KATNIP: variants seen among roughly 807,000 people sequenced by gnomAD.
KATNIP encodes katanin interacting protein.
In KATNIP, 126 loss-of-function variants were observed where a neutral mutation model predicts 174.0. The ratio of observed to expected loss-of-function variants is 0.72; its 90% CI spans 0.63 to 0.84. The LOEUF is 0.84. Among genes scored for constraint, KATNIP ranks in the 40% least tolerant of loss-of-function variants. The pLI is 0.00. For missense variants in KATNIP, 1,958 were observed against 2,109.7 expected, an observed-to-expected ratio of 0.93 and a Z score of 1.41; for synonymous variants, 810 against 835.7, an observed-to-expected ratio of 0.97 and a Z score of 0.53.
In KATNIP at chr16:27,773,193, C is replaced by T; in HGVS notation, c.4293C>T (p.Ile1431=). 4 of 1,608,930 alleles carry T rather than the reference C, an allele frequency of 2.5e-6. No homozygotes were observed. The highest frequency in any genetic ancestry group is 2.2e-5 in the East Asian group (1 of 44,854). Residue 1431 remains isoleucine (I), a synonymous_variant, in exon 23 of 28, where the codon ATC becomes ATT. Coordinates refer to ENST00000261588, the MANE Select transcript of KATNIP (RefSeq NM_015202.5). ...LELYDERGEK[I]PLSENNIAAF... is the part of the protein sequence containing the mutation. ...TGTATGACGAGCGAGGAGAAAAAAT[C>T]CCCTTGTCGGAAAACAGTATCCTTT...
At chr16:27,666,138 C>T (rs1032146632) in intron 6 of KATNIP, among the ~76,000 whole-genome samples, 1 of 152,176 alleles carries the variant, frequency 6.6e-6, no homozygotes, top group African/African-American at 2.4e-5. Context: ...GTCTCCCAGG[C>T]CCATCTACTT....
chr16:27,592,742 G>A (rs1427939822), intron 2 of KATNIP, among the ~76,000 whole-genome samples: 1 of 152,104 alleles, frequency 6.6e-6, no homozygotes, highest in African/African-American at 2.4e-5. Flanking sequence ...TTTTAGTAGG[G>A]ATGGGTTTCA....
At chr16:27,738,446 C>T (rs904874098) in intron 14 of KATNIP, among the ~76,000 whole-genome samples, 4 of 152,082 alleles carry the variant, frequency 2.6e-5, no homozygotes, top group Non-Finnish European at 5.9e-5. Context: ...TTCTATTCCC[C>T]GATAAAGCTG....
intron 6 of KATNIP, among the ~76,000 whole-genome samples, chr16:27,656,487 A>T (rs2142419602): frequency 6.6e-6 from 1 of 151,800 alleles, no homozygotes; most frequent in Non-Finnish European, 1.5e-5. Context: ...GCACTGTTTC[A>T]GATTAAAGGA....
chr16:27,645,209 G>A (rs569256633), intron 5 of KATNIP, among the ~76,000 whole-genome samples: 325 of 152,330 alleles, frequency 2.1e-3, no homozygotes, highest in African/African-American at 7.4e-3. Flanking sequence ...AGTTGATGCC[G>A]TGTAAATAGG....
In KATNIP at chr16:27,553,633, A is replaced by G. The variant is rs536981789; in HGVS notation, c.7+3456A>G. ...AATTCAAGACCAGCTTCGTCAACAT[A>G]GTGAGACTCCATCTCTACTAAATAA... On this transcript the variant is annotated intron_variant, in intron 1 of 27. Coordinates refer to ENST00000261588, the MANE Select transcript of KATNIP (RefSeq NM_015202.5). Among the ~76,000 whole-genome samples, 4 of 152,258 alleles carry G rather than the reference A, an allele frequency of 2.6e-5. No homozygotes were observed. In the East Asian group the frequency reaches 7.7e-4, roughly 29 times the overall value.
chr16:27,713,443 C>T lies in KATNIP; in HGVS notation c.1605+4523C>T, dbSNP rs1431145625. The stretch of plus-strand genomic sequence containing the variant: ...CAGAGCCAAGTGGAGATAATTGAAT[C>T]ATGGGGACAGTACATTTGGGCACAG... On this transcript the variant is annotated intron_variant, in intron 13 of 27. Coordinates refer to ENST00000261588, the MANE Select transcript of KATNIP (RefSeq NM_015202.5). 2.6e-5 allele frequency among the ~76,000 whole-genome samples: 4 copies of T among 151,800 alleles called. No homozygotes were observed. In the East Asian group the frequency reaches 7.8e-4, roughly 30 times the overall value.
rs888103973 is a variant in KATNIP at position 27,563,536 on chromosome 16, ACTGCAGGGAAGAGGG to A, written c.8-10349_8-10335del. Among the ~76,000 whole-genome samples, 10 of 152,142 alleles carry A rather than the reference ACTGCAGGGAAGAGGG, an allele frequency of 6.6e-5. No homozygotes were observed. In the East Asian group the frequency reaches 1.4e-3, roughly 21 times the overall value. On this transcript the variant is annotated intron_variant, in intron 1 of 27. Coordinates refer to ENST00000261588, the MANE Select transcript of KATNIP (RefSeq NM_015202.5). ...CCTTCTCTAAATACAAAGAAGAAAG[ACTGCAGGGAAGAGGG>A]CTGCAGGGAAGAGGGAGGAGAGGTC...
chr16:27,753,802 C>A (rs1369878249), intron 17 of KATNIP, among the ~76,000 whole-genome samples: 6 of 150,070 alleles, frequency 4.0e-5, no homozygotes, highest in Admixed American at 4.0e-4. Flanking sequence ...TCCTTCCTTC[C>A]TCTCTCCCTT....
intron 5 of KATNIP, chr16:27,632,381 A>G (rs2076516697): frequency 3.6e-6 from 1 of 277,418 alleles, no homozygotes; most frequent in African/African-American, 2.2e-5. Flanking sequence ...CGCAATATAC[A>G]TATTCAGTAA....
chr16:27,690,698 A>C (rs1189705271), intron 8 of KATNIP, among the ~76,000 whole-genome samples: 1 of 152,190 alleles, frequency 6.6e-6, no homozygotes, highest in Non-Finnish European at 1.5e-5. Flanking sequence ...AGACAAAACA[A>C]GGCTATGTCT....
At chr16:27,769,299 A>C (rs1243061850) in intron 20 of KATNIP, among the ~76,000 whole-genome samples, 1 of 152,238 alleles carries the variant, frequency 6.6e-6, no homozygotes, top group African/African-American at 2.4e-5. Context: ...AAGGAAGATC[A>C]GAAAGAGGCC....
chr16:27,761,801 T>A (rs2081964912), intron 19 of KATNIP, among the ~76,000 whole-genome samples: 3 of 152,174 alleles, frequency 2.0e-5, no homozygotes, highest in South Asian at 4.1e-4. Flanking sequence ...GCCACACAGC[T>A]GGAAGTGTCA....
rs117188206 is a variant in KATNIP at position 27,747,972 on chromosome 16, G to A, written c.2624-1612G>A. ...CTGGAGAGAGGAGATAATTGATGGA[G>A]CCGAGCCCCCTAGGAGACAGGCAGG... is the stretch of plus-strand genomic sequence containing the variant. On this transcript the variant is annotated intron_variant, in intron 15 of 27. Transcript: ENST00000261588. Among the ~76,000 whole-genome samples the A allele has an allele frequency of 3.7e-3, 562 of 152,278 alleles. 3 individuals are homozygous for A. The highest frequency in any genetic ancestry group is 4.9e-3 in the Non-Finnish European group (332 of 68,004).
chr16:27,720,927 C>G (rs1225152434), intron 13 of KATNIP, among the ~76,000 whole-genome samples: 4 of 152,154 alleles, frequency 2.6e-5, no homozygotes, highest in Non-Finnish European at 4.4e-5. Context: ...GCACTCATGA[C>G]ATGCAATTTT....
At chr16:27,748,912 C>G (rs554002908) in intron 15 of KATNIP, among the ~76,000 whole-genome samples, 1 of 152,196 alleles carries the variant, frequency 6.6e-6, no homozygotes, top group East Asian at 1.9e-4. Flanking sequence ...ACTGTTAACA[C>G]GGGTGCATGT....
chr16:27,612,935 C>A (rs1477973274), intron 2 of KATNIP, among the ~76,000 whole-genome samples: 1 of 151,516 alleles, frequency 6.6e-6, no homozygotes, highest in Admixed American at 6.6e-5. Flanking sequence ...CATAGTGAGA[C>A]CCTGTCTCAA....
intron 13 of KATNIP, among the ~76,000 whole-genome samples, chr16:27,713,270 CTA>C (rs1043229382): frequency 1.4e-4 from 22 of 151,978 alleles, no homozygotes; most frequent in African/African-American, 5.1e-4. Context: ...TATGGATTTC[CTA>C]TGAGTCTAGA....
intron 22 of KATNIP, 28 bp from the exon 23 acceptor site, chr16:27,773,071 C>A: frequency 7.4e-7 from 1 of 1,347,674 alleles, no homozygotes; most frequent in Non-Finnish European, 1.0e-6. Flanking sequence ...AAAAATTAAG[C>A]CTTCTTTTCC....
Sources: gnomAD v4.1 joint callset for allele counts (sites outside exome capture counted in the v4.1 genomes callset) on GRCh38, gnomAD v4.1.1 for gene constraint, MANE v1.5 for transcripts, NCBI Gene and HGNC (gene_info 2026-07-23, HGNC 2026-07-21) for gene names.